CELSR3: variants seen among roughly 807,000 people sequenced by gnomAD.
CELSR3 encodes the protein cadherin EGF LAG seven-pass G-type receptor 3.
A neutral mutation model predicts 270.0 loss-of-function variants in CELSR3; 73 were observed. That is an observed-to-expected ratio of 0.27 (90% CI 0.22 to 0.33). The LOEUF (loss-of-function observed/expected upper bound fraction) is 0.33, where lower values mean the gene tolerates loss of function less well. Among genes scored for constraint, CELSR3 ranks in the 10% least tolerant of loss-of-function variants. The pLI is 1.00. For synonymous variants in CELSR3, 1,780 were observed against 1,905.4 expected (o/e 0.93, Z 1.71); for missense variants, 3,614 against 4,533.8 (o/e 0.80, Z 5.83).
At position 48,655,660 on chromosome 3, in the gene CELSR3, G is replaced by T; in HGVS notation, c.4741+76C>A. The T allele has an allele frequency of 7.6e-7, 1 of 1,310,478 alleles. No homozygotes were observed. The highest frequency in any genetic ancestry group is 1.1e-6 in the Non-Finnish European group (1 of 905,794). The allele number at this position is 1,310,478 out of a possible 1,614,324, so 81.2% of individuals were successfully genotyped here. ...AGTGTGTGCTCAGGTGCACAGTGAA[G>T]CAAACCTGAGGGGACTTGGGCCCTG... On this transcript the variant is annotated intron_variant, in intron 4 of 34. Transcript: ENST00000164024. This position sits in a 1 kb window ranked among gnomAD's most constrained non-coding sequence, Gnocchi z 5.8.
In CELSR3 at chr3:48,659,216, A is replaced by G; in HGVS notation, c.3419T>C (p.Ile1140Thr). Residue 1140 changes from isoleucine to threonine, a missense_variant, in exon 1 of 35, where the codon ATT (isoleucine) becomes ACT (threonine). Ile to Thr is a moderately conservative substitution (Grantham distance 89). This residue lies in a region of CELSR3 where 1,331 missense variants were observed against 1,933.7 expected (regional missense o/e 0.69). Transcript: ENST00000164024. This position sits in a 1 kb window ranked among gnomAD's most constrained non-coding sequence, Gnocchi z 8.1. Reference sequence around the variant, plus strand: ...AGGAGCAGATGTGGCCTGCACCACAATCACATATTCTTGGCGAGCCTCATA... The same window carrying G: ...AGGAGCAGATGTGGCCTGCACCACAGTCACATATTCTTGGCGAGCCTCATA... ...LDYEARQEYVIVVQATSAPLV... is the reference protein window; with the variant it reads ...LDYEARQEYVTVVQATSAPLV... 1 of 1,614,212 alleles carries G rather than the reference A, an allele frequency of 6.2e-7. No homozygotes were observed. The highest frequency in any genetic ancestry group is 8.5e-7 in the Non-Finnish European group (1 of 1,180,042).
Position 48,655,513 on chromosome 3 carries a change from GT to G in CELSR3, c.4742-120del. On this transcript the variant is annotated intron_variant, in intron 4 of 34. Coordinates refer to ENST00000164024, the MANE Select transcript of CELSR3 (RefSeq NM_001407.3). The surrounding 1 kb of genome is among the most constrained non-coding windows in gnomAD (Gnocchi z 5.8). The stretch of plus-strand genomic sequence containing the variant: ...ATGCATCAGATCAGTCCCCCCACTG[GT>G]GACCACAATGGCTGGCTCAGAGTGC... 1 of 1,055,974 alleles carries G rather than the reference GT, an allele frequency of 9.5e-7. No individual in the cohort carries two copies. The allele number at this position is 1,055,974 out of a possible 1,614,324, so 65.4% of individuals were successfully genotyped here. A position where few individuals can be genotyped will look rare whatever the true frequency, so the allele number is the denominator to read the frequency against.
rs1478935237 is a variant in CELSR3, at chr3:48,655,267, C to T, written c.4830+39G>A. Reference sequence around the variant, plus strand: ...CCCCTGAGGAGCAGAAGTCAGCATCCCAACTCCCCTCATACCCGATGCCAG... The same window carrying T: ...CCCCTGAGGAGCAGAAGTCAGCATCTCAACTCCCCTCATACCCGATGCCAG... On this transcript the variant is annotated intron_variant, in intron 5 of 34. Coordinates refer to ENST00000164024, the MANE Select transcript of CELSR3 (RefSeq NM_001407.3). The surrounding 1 kb of genome is among the most constrained non-coding windows in gnomAD (Gnocchi z 5.8). The T allele has an allele frequency of 1.2e-6, 2 of 1,614,004 alleles. No homozygotes were observed. Among genetic ancestry groups the T allele is most frequent in the Admixed American group, 1.7e-5 (1 of 60,008 alleles).
rs2106698866 is a variant in CELSR3 at position 48,642,269 on chromosome 3, C to T, written c.8665+89G>A. 1 of 1,384,000 alleles carries T rather than the reference C, an allele frequency of 7.2e-7. No homozygotes were observed. Among genetic ancestry groups the T allele is most frequent in the Middle Eastern group, 2.5e-4 (1 of 4,070 alleles). 85.7% of individuals were successfully genotyped at this position (1,384,000 alleles called of 1,614,324 possible). A position where few individuals can be genotyped will look rare whatever the true frequency, so the allele number is the denominator to read the frequency against. The stretch of plus-strand genomic sequence containing the variant: ...CTGGGGGAGATCGTCCCACCCCAGT[C>T]AGCCACTGCTCCCAGTATGGGGTAG... On this transcript the variant is annotated intron_variant, in intron 31 of 34. Coordinates refer to ENST00000164024, the MANE Select transcript of CELSR3 (RefSeq NM_001407.3). This position sits in a 1 kb window ranked among gnomAD's most constrained non-coding sequence, Gnocchi z 6.1.
chr3:48,640,179 C>T lies in CELSR3; in HGVS notation c.9406G>A (p.Gly3136Ser), dbSNP rs942090775. 4 of 1,612,706 alleles carry T rather than the reference C, an allele frequency of 2.5e-6. No individual in the cohort carries two copies. Among genetic ancestry groups the T allele is most frequent in the Non-Finnish European group, 3.4e-6 (4 of 1,179,940 alleles). ...PPRDYPGAMA[G>S]RFGSRDALDL... ...AGCGCATCCCGTGACCCGAAGCGGCCAGCCATGGCGCCAGGGTAGTCCCGA... is the reference window on the plus strand; with the variant it reads ...AGCGCATCCCGTGACCCGAAGCGGCTAGCCATGGCGCCAGGGTAGTCCCGA... Residue 3136 changes from glycine to serine, a missense_variant, in exon 34 of 35, where the codon GGC becomes AGC. By Grantham distance (56) the Gly-to-Ser change is moderately conservative. This residue lies in a region of CELSR3 where 1,240 missense variants were observed against 1,351.7 expected (regional missense o/e 0.92). Transcript: ENST00000164024. This position sits in a 1 kb window ranked among gnomAD's most constrained non-coding sequence, Gnocchi z 7.5.
At position 48,644,892 on chromosome 3, in the gene CELSR3, G is replaced by A; in HGVS notation, c.7973-64C>T. On this transcript the variant is annotated intron_variant, in intron 25 of 34. Transcript: ENST00000164024. This position sits in a 1 kb window ranked among gnomAD's most constrained non-coding sequence, Gnocchi z 4.8. ...CAGAGCTGCTGACCAGCCCATGTAT[G>A]GGAGAAAGCATGGGTGAGGGCAGAG... The A allele has an allele frequency of 2.0e-6, 3 of 1,531,620 alleles. No homozygotes were observed. The South Asian group carries it at 3.4e-5, about 17-fold the overall frequency. The allele number at this position is 1,531,620 out of a possible 1,614,324, so 94.9% of individuals were successfully genotyped here. A position where few individuals can be genotyped will look rare whatever the true frequency, so the allele number is the denominator to read the frequency against.
intron 2 of CELSR3, 105 bp downstream of exon 2, chr3:48,656,593 C>G: frequency 7.3e-7 from 1 of 1,375,984 alleles, no homozygotes; most frequent in Non-Finnish European, 9.5e-7. Flanking sequence ...CGCGTCCATA[C>G]CAGGCCGTGG....
chr3:48,650,881 A>G lies in CELSR3; in HGVS notation c.6370+11T>C. 6.2e-7 allele frequency: 1 copy of G among 1,608,942 alleles called. No homozygotes were observed. The highest frequency in any genetic ancestry group is 8.5e-7 in the Non-Finnish European group (1 of 1,178,992). On this transcript the variant is annotated intron_variant, in intron 15 of 34. Transcript: ENST00000164024. The surrounding 1 kb of genome is among the most constrained non-coding windows in gnomAD (Gnocchi z 5.1). ...GCCCTCTATGGGTGGAGCTGGGTGG[A>G]GCCTGCTCACCCCGGCAGCCGCTGG...
rs2106703619 is a variant in CELSR3 at position 48,645,623 on chromosome 3, C to T, written c.7617G>A (p.Leu2539=). Reference sequence around the variant, plus strand: ...CCACGACCACGTGGGTGAACACAGCCAGCAGCTCCAGGTCGCCCTCCAGCC... The same window carrying T: ...CCACGACCACGTGGGTGAACACAGCTAGCAGCTCCAGGTCGCCCTCCAGCC... ...RERLEGDLEL[L]AVFTHVVVAV... Residue 2539 remains leucine (L), a synonymous_variant, in exon 24 of 35, where the codon CTG becomes CTA. Transcript: ENST00000164024. This position sits in a 1 kb window ranked among gnomAD's most constrained non-coding sequence, Gnocchi z 5.4. The T allele has an allele frequency of 6.2e-7, 1 of 1,610,294 alleles. No individual in the cohort carries two copies.
rs1559477645 is a variant in CELSR3 at position 48,646,243 on chromosome 3, G to A, written c.7310C>T (p.Pro2437Leu). 1.2e-6 allele frequency: 2 copies of A among 1,611,372 alleles called. No individual in the cohort carries two copies. The highest frequency in any genetic ancestry group is 1.7e-6 in the Non-Finnish European group (2 of 1,178,976). Residue 2437 changes from proline (P) to leucine (L), a missense_variant, in exon 22 of 35, where the codon CCC becomes CTC. Physicochemically the swap from Pro to Leu is moderately conservative, Grantham distance 98. Around this residue, in one of 7 missense-constraint regions of CELSR3, gnomAD observed 1,240 missense variants for 1,351.7 expected, o/e 0.92. Transcript: ENST00000164024. This position sits in a 1 kb window ranked among gnomAD's most constrained non-coding sequence, Gnocchi z 4.8. ...GCTGACCACCGGGGAGTTCATGACG[G>A]GGTTCTGAGGAAGCCTGGGGAGACA... Reference protein sequence around the residue: ...ERRGARLPQNPVMNSPVVSVA... With the variant: ...ERRGARLPQNLVMNSPVVSVA...
chr3:48,648,010 A>T lies in CELSR3; in HGVS notation c.6974-14T>A. ...CAATGCTGAGCACTACCCAGGAGAA[A>T]GAAAGGGGAGGCCCATCATGGACCT... is the stretch of plus-strand genomic sequence containing the variant. On this transcript the variant is annotated splice_polypyrimidine_tract_variant and intron_variant, in intron 19 of 34. Coordinates refer to ENST00000164024, the MANE Select transcript of CELSR3 (RefSeq NM_001407.3). 6.2e-7 allele frequency: 1 copy of T among 1,611,204 alleles called. No individual in the cohort carries two copies. Among genetic ancestry groups the T allele is most frequent in the Non-Finnish European group, 8.5e-7 (1 of 1,179,198 alleles).
At position 48,657,317 on chromosome 3, in the gene CELSR3, C is replaced by T. The variant is rs1204876903; in HGVS notation, c.3780G>A (p.Val1260=). The part of the protein sequence containing the change: ...DGLHSVTAQC[V]LRVVIITEEL... Reference sequence around the variant, plus strand: ...CCTCCGTGATGATGACCACGCGCAGCACACACTGCGCCGTCACGCTGTGCA... The same window carrying T: ...CCTCCGTGATGATGACCACGCGCAGTACACACTGCGCCGTCACGCTGTGCA... The change falls in exon 2 of 35, where the codon GTG becomes GTA. Residue 1260 remains valine, a synonymous_variant. Coordinates refer to ENST00000164024, the MANE Select transcript of CELSR3 (RefSeq NM_001407.3). The surrounding 1 kb of genome is among the most constrained non-coding windows in gnomAD (Gnocchi z 5.4). 2.5e-6 allele frequency: 4 copies of T among 1,607,566 alleles called. No individual in the cohort carries two copies. The South Asian group carries it at 4.4e-5, about 18-fold the overall frequency.
At position 48,641,756 on chromosome 3, in the gene CELSR3, C is replaced by G; in HGVS notation, c.8824+95G>C. 1.6e-6 allele frequency: 2 copies of G among 1,277,942 alleles called. No individual in the cohort carries two copies. Among genetic ancestry groups the G allele is most frequent in the Non-Finnish European group, 1.0e-6 (1 of 954,596 alleles). 79.2% of individuals were successfully genotyped at this position (1,277,942 alleles called of 1,614,324 possible). A position where few individuals can be genotyped will look rare whatever the true frequency, so the allele number is the denominator to read the frequency against. On this transcript the variant is annotated intron_variant, in intron 32 of 34. Transcript: ENST00000164024. The surrounding 1 kb of genome is among the most constrained non-coding windows in gnomAD (Gnocchi z 4.8). ...CTGATGACTGAGGGGTCAGAAAGAC[C>G]AGGATGAACCCCAACCGCAGGAAAG...
In CELSR3 at chr3:48,645,149, G is replaced by T; in HGVS notation, c.7858C>A (p.Leu2620Ile). 1 of 1,598,992 alleles carries T rather than the reference G, an allele frequency of 6.3e-7. No homozygotes were observed. The highest frequency in any genetic ancestry group is 8.6e-7 in the Non-Finnish European group (1 of 1,168,628). Reference protein sequence around the residue: ...HYFFLSTFAWLFVQGLHLYRM... With the variant: ...HYFFLSTFAWIFVQGLHLYRM... ...TAGAGGTGCAGCCCCTGCACGAAGA[G>T]CCACGCGAAGGTGCTGAGGAAGAAG... The change falls in exon 25 of 35, where the codon CTC becomes ATC. Residue 2620 changes from leucine (L) to isoleucine (I), a missense_variant. By Grantham distance (5) the Leu-to-Ile change is conservative. This residue lies in a region of CELSR3 where 1,240 missense variants were observed against 1,351.7 expected (regional missense o/e 0.92). Coordinates refer to ENST00000164024, the MANE Select transcript of CELSR3 (RefSeq NM_001407.3). This position sits in a 1 kb window ranked among gnomAD's most constrained non-coding sequence, Gnocchi z 5.4.
Position 48,642,209 on chromosome 3 carries a change from G to T in CELSR3, c.8665+149C>A. ...ATCAGGAGTGGACTGGGAGAACCAGGGCTGGAGAGGTAGGTGCCTCCTGAG... is the reference window on the plus strand; with the variant it reads ...ATCAGGAGTGGACTGGGAGAACCAGTGCTGGAGAGGTAGGTGCCTCCTGAG... On this transcript the variant is annotated intron_variant, in intron 31 of 34. Coordinates refer to ENST00000164024, the MANE Select transcript of CELSR3 (RefSeq NM_001407.3). This position sits in a 1 kb window ranked among gnomAD's most constrained non-coding sequence, Gnocchi z 6.1. 1 of 920,298 alleles carries T rather than the reference G, an allele frequency of 1.1e-6. No homozygotes were observed. The highest frequency in any genetic ancestry group is 1.6e-6 in the Non-Finnish European group (1 of 625,346). The allele number at this position is 920,298 out of a possible 1,614,324, so 57.0% of individuals were successfully genotyped here.
At position 48,658,961 on chromosome 3, in the gene CELSR3, C is replaced by T; in HGVS notation, c.3674G>A (p.Ser1225Asn). 5 of 1,614,216 alleles carry T rather than the reference C, an allele frequency of 3.1e-6. No individual in the cohort carries two copies. Among genetic ancestry groups the T allele is most frequent in the African/African-American group, 2.7e-5 (2 of 75,038 alleles). ...CTTTCGGCTGAGTCGCAGCTCCCCA[C>T]TGGTCTGGTTGACTACCAGCAGCTG... Reference protein sequence around the residue: ...ELQLLVVNQTSGELRLSRKLD... With the variant: ...ELQLLVVNQTNGELRLSRKLD... Residue 1225 changes from serine to asparagine, a missense_variant, in exon 1 of 35, where the codon AGT (serine) becomes AAT (asparagine). By Grantham distance (46) the Ser-to-Asn change is conservative. Coordinates refer to ENST00000164024, the MANE Select transcript of CELSR3 (RefSeq NM_001407.3). The surrounding 1 kb of genome is among the most constrained non-coding windows in gnomAD (Gnocchi z 4.7).
Position 48,662,353 on chromosome 3 carries a change from G to A in CELSR3, c.282C>T (p.Ser94=), listed in dbSNP as rs1478996205. 1.2e-6 allele frequency: 2 copies of A among 1,612,944 alleles called. No individual in the cohort carries two copies. The highest frequency in any genetic ancestry group is 1.7e-6 in the Non-Finnish European group (2 of 1,180,018). ...CAGGGGGCCCTCGACTATTCCGGGC[G>A]CTTTGCCTTCTCCCTCGGAGCCCCA... The part of the protein sequence containing the change: ...IFVGLRGRRQ[S]ARNSRGPPEQ... Residue 94 remains serine, a synonymous_variant, in exon 1 of 35, where the codon AGC becomes AGT. Transcript: ENST00000164024. This position sits in a 1 kb window ranked among gnomAD's most constrained non-coding sequence, Gnocchi z 7.1.
chr3:48,661,644 G>T lies in CELSR3; in HGVS notation c.991C>A (p.Gln331Lys). 6.2e-7 allele frequency: 1 copy of T among 1,602,092 alleles called. No individual in the cohort carries two copies. The highest frequency in any genetic ancestry group is 1.7e-5 in the Admixed American group (1 of 57,666). ...GCCTCATTCTCCGGCACCAGCGTCT[G>T]GTAGTTGTACTGCGGAAACTGCGGG... is the stretch of plus-strand genomic sequence containing the variant. Reference protein sequence around the residue: ...RHPQFPQYNYQTLVPENEAAG... With the variant: ...RHPQFPQYNYKTLVPENEAAG... Residue 331 changes from glutamine (Q) to lysine (K), a missense_variant, in exon 1 of 35, where the codon CAG (glutamine) becomes AAG (lysine). Around this residue, in one of 7 missense-constraint regions of CELSR3, gnomAD observed 470 missense variants for 469.7 expected, o/e 1.00. Transcript: ENST00000164024.
intron 34 of CELSR3, among the ~76,000 whole-genome samples, 163 bp from the exon 35 acceptor site, chr3:48,638,395 T>G (rs1308350928): frequency 6.6e-6 from 1 of 151,962 alleles, no homozygotes; most frequent in Non-Finnish European, 1.5e-5. Context: ...GTTCTCAGAG[T>G]CCTCCATTCC....
Sources: gnomAD v4.1 joint callset for allele counts (sites outside exome capture counted in the v4.1 genomes callset) on GRCh38, gnomAD v4.1.1 for gene constraint, gnomAD v4.1.1 regional missense constraint, Gnocchi (gnomAD v3.1) non-coding constraint, MANE v1.5 for transcripts, NCBI Gene and HGNC (gene_info 2026-07-23, HGNC 2026-07-21) for gene names.